Variants in CYSLTR2 observed in about 807,000 individuals in gnomAD.
CYSLTR2 encodes the protein cysteinyl leukotriene receptor 2, also known as G-protein coupled receptor GPCR21.
For missense variants in CYSLTR2, 398 were observed against 411.9 expected, an observed-to-expected ratio of 0.97 and a Z score of 0.29; for synonymous variants, 179 against 160.8, an observed-to-expected ratio of 1.11 and a Z score of -0.86.
At chr13:48,687,405 A>C (rs1052321427) in intron 1 of CYSLTR2, among the ~76,000 whole-genome samples, 102 of 150,866 alleles carry the variant, frequency 6.8e-4, no homozygotes, top group African/African-American at 2.4e-3. Context: ...TAATTGGTAG[A>C]TTATCATCTA....
intron 1 of CYSLTR2, among the ~76,000 whole-genome samples, chr13:48,657,417 A>G (rs971052850): frequency 6.6e-6 from 1 of 152,018 alleles, no homozygotes; most frequent in Non-Finnish European, 1.5e-5. Context: ...TCTTTAGTGT[A>G]AAGTCCTTAA....
chr13:48,696,687 G>C (rs535300819), intron 4 of CYSLTR2, 61 bp downstream of exon 4: 2 of 152,360 alleles, frequency 1.3e-5, no homozygotes, highest in Non-Finnish European at 2.9e-5. Flanking sequence ...GAGCAGGGCG[G>C]AGCATCGCGT....
intron 1 of CYSLTR2, among the ~76,000 whole-genome samples, chr13:48,672,616 C>CTTTTCT (rs1953467136): frequency 3.3e-5 from 4 of 120,132 alleles, no homozygotes; most frequent in Non-Finnish European, 6.8e-5. Flanking sequence ...CTTTTCTTTT[C>CTTTTCT]TTTTTTTTTT....
At chr13:48,673,433 C>CTTTTTTTTTTTTTTTTTTTT (rs61699943) in intron 1 of CYSLTR2, among the ~76,000 whole-genome samples, 15 of 48,316 alleles carry the variant, frequency 3.1e-4, no homozygotes, top group East Asian at 8.5e-4. Context: ...GTAACCCCGG[C>CTTTTTTTTTTTTTTTTTTTT]TTTTTTTTTT....
intron 1 of CYSLTR2, among the ~76,000 whole-genome samples, chr13:48,666,807 C>T (rs1187406510): frequency 6.6e-6 from 1 of 151,930 alleles, no homozygotes; most frequent in African/African-American, 2.4e-5. Context: ...AATCATTTTC[C>T]TGATTTCATT....
chr13:48,655,897 A>G (rs1952985610), intron 1 of CYSLTR2, among the ~76,000 whole-genome samples: 1 of 152,212 alleles, frequency 6.6e-6, no homozygotes, highest in African/African-American at 2.4e-5. Flanking sequence ...AATTGGTTAA[A>G]CAAATTTCAT....
At chr13:48,684,342 G>A (rs1274974790) in intron 1 of CYSLTR2, among the ~76,000 whole-genome samples, 1 of 151,786 alleles carries the variant, frequency 6.6e-6, no homozygotes, top group Non-Finnish European at 1.5e-5. Flanking sequence ...AGTAATCAGA[G>A]TAATCCATGT....
intron 1 of CYSLTR2, among the ~76,000 whole-genome samples, chr13:48,663,023 G>T (rs1953168288): frequency 6.6e-6 from 1 of 152,074 alleles, no homozygotes; most frequent in Non-Finnish European, 1.5e-5. Context: ...GTTAAATTTT[G>T]TAGAGTGAGA....
At chr13:48,665,513 C>A (rs1222738300) in intron 1 of CYSLTR2, among the ~76,000 whole-genome samples, 1 of 151,992 alleles carries the variant, frequency 6.6e-6, no homozygotes, top group Non-Finnish European at 1.5e-5. Context: ...TGCATATATA[C>A]TTACAACTGT....
At chr13:48,673,568 CTT>C (rs1438941091) in intron 1 of CYSLTR2, among the ~76,000 whole-genome samples, 1 of 149,306 alleles carries the variant, frequency 6.7e-6, no homozygotes, top group Non-Finnish European at 1.5e-5. Flanking sequence ...GGTCTTGACT[CTT>C]TATCCAATTT....
intron 1 of CYSLTR2, among the ~76,000 whole-genome samples, chr13:48,668,890 G>A (rs1305790946): frequency 1.3e-5 from 2 of 152,108 alleles, no homozygotes; most frequent in African/African-American, 4.8e-5. Context: ...TTAGTTTGCT[G>A]AGAATGATAG....
chr13:48,667,406 G>T (rs776691488), intron 1 of CYSLTR2, among the ~76,000 whole-genome samples: 1 of 152,230 alleles, frequency 6.6e-6, no homozygotes, highest in Non-Finnish European at 1.5e-5. Context: ...TGCCTGCCAG[G>T]AGTGGCTTGC....
chr13:48,691,437 A>ATTTTG (rs1343521796), intron 2 of CYSLTR2, 136 bp downstream of exon 2: 1 of 152,132 alleles, frequency 6.6e-6, no homozygotes, highest in African/African-American at 2.4e-5. Flanking sequence ...TAGCTGAAAA[A>ATTTTG]TTTTGAGTTA....
At position 48,707,761 on chromosome 13, in the gene CYSLTR2, G is replaced by A. The variant is rs61735167; in HGVS notation, c.944G>A (p.Arg315Lys). The A allele has an allele frequency of 8.6e-4, 1,378 of 1,599,314 alleles. 16 individuals carry two copies. The Admixed American group carries it at 0.022, about 25-fold the overall frequency. ...TTTGCTGGGGAGAATTTTAAGGACA[G>A]ACTAAAGTCTGCACTCAGAAAAGGC... is the stretch of plus-strand genomic sequence containing the variant. The part of the protein sequence containing the change: ...YYFAGENFKD[R>K]LKSALRKGHP... The change falls in exon 5 of 5, where the codon AGA (arginine) becomes AAA (lysine). Residue 315 changes from arginine to lysine, a missense_variant. Arg to Lys is a conservative substitution (Grantham distance 26). Coordinates refer to ENST00000682523, the MANE Select transcript of CYSLTR2 (RefSeq NM_001308476.3).
At chr13:48,701,201 C>T (rs1350479291) in intron 4 of CYSLTR2, among the ~76,000 whole-genome samples, 4 of 152,210 alleles carry the variant, frequency 2.6e-5, no homozygotes, top group Admixed American at 2.0e-4. Flanking sequence ...AAGAACAAGG[C>T]TGGAGGCATC....
At position 48,707,975 on chromosome 13, in the gene CYSLTR2, T is replaced by A. The variant is rs1206647340; in HGVS notation, c.*117T>A. ...ACAAATGTTGATTCTTAATATTTAG[T>A]TGACCATTACTTTTGTTAATAAGAC... On this transcript the variant is annotated 3_prime_UTR_variant, in exon 5 of 5. Transcript: ENST00000682523. 2 of 894,456 alleles carry A rather than the reference T, an allele frequency of 2.2e-6. No individual in the cohort carries two copies. The highest frequency in any genetic ancestry group is 2.8e-5 in the East Asian group (1 of 36,122). The allele number at this position is 894,456 out of a possible 1,614,324, so 55.4% of individuals were successfully genotyped here. A position where few individuals can be genotyped will look rare whatever the true frequency, so the allele number is the denominator to read the frequency against.
intron 1 of CYSLTR2, among the ~76,000 whole-genome samples, chr13:48,668,183 A>G (rs1953316327): frequency 6.6e-6 from 1 of 152,088 alleles, no homozygotes; most frequent in Non-Finnish European, 1.5e-5. Context: ...CCCAAAGAGC[A>G]AGGAGAACTA....
chr13:48,694,766 G>A (rs1311359992), intron 3 of CYSLTR2: 1 of 152,118 alleles, frequency 6.6e-6, no homozygotes, highest in Non-Finnish European at 1.5e-5. Context: ...ATCTTCCTGG[G>A]GATCACCTCT....
Position 48,684,787 on chromosome 13 carries a change from A to G in CYSLTR2, c.-265-6425A>G, listed in dbSNP as rs182481481. 8.5e-5 allele frequency among the ~76,000 whole-genome samples: 13 copies of G among 152,320 alleles called. No individual in the cohort carries two copies. The East Asian group carries it at 2.5e-3, about 29-fold the overall frequency. On this transcript the variant is annotated intron_variant, in intron 1 of 4. Transcript: ENST00000682523. ...TAATGTTAAGAAGAAGTCATACTGGATATGGTGGACCCTAAGCCCAATATG... is the reference window on the plus strand; with the variant it reads ...TAATGTTAAGAAGAAGTCATACTGGGTATGGTGGACCCTAAGCCCAATATG...
Sources: gnomAD v4.1 joint callset for allele counts (sites outside exome capture counted in the v4.1 genomes callset) on GRCh38, gnomAD v4.1.1 for gene constraint, MANE v1.5 for transcripts, NCBI Gene and HGNC (gene_info 2026-07-23, HGNC 2026-07-21) for gene names.